EXOC2: variants seen among roughly 807,000 people sequenced by gnomAD.
EXOC2 encodes exocyst complex component 2.
A neutral mutation model predicts 131.8 loss-of-function variants in EXOC2; 70 were observed. The observed-to-expected ratio is 0.53, with a 90% CI of 0.44 to 0.65. EXOC2 has a LOEUF of 0.65. EXOC2 is among the 30% of genes least tolerant of loss of function. EXOC2 has a pLI of 0.00. For synonymous variants in EXOC2, 411 were observed against 398.4 expected (o/e 1.03, Z -0.38); for missense variants, 923 against 1,108.6 (o/e 0.83, Z 2.38).
chr6:692,789 C>G (rs1430603085), intron 1 of EXOC2, among the ~76,000 whole-genome samples: 1 of 72,336 alleles, frequency 1.4e-5, no homozygotes, highest in African/African-American at 3.6e-5. Context: ...GGGGTGCGAA[C>G]TGGCGGGGGT....
chr6:536,664 T>C (rs1285995064), intron 22 of EXOC2, among the ~76,000 whole-genome samples: 1 of 152,018 alleles, frequency 6.6e-6, no homozygotes, highest in African/African-American at 2.4e-5. Flanking sequence ...CTATAATAAA[T>C]AAAACAATGC....
At chr6:566,492 C>T (rs1266909947) in intron 13 of EXOC2, among the ~76,000 whole-genome samples, 2 of 152,200 alleles carry the variant, frequency 1.3e-5, no homozygotes, top group African/African-American at 2.4e-5. Flanking sequence ...GGACCCCCAC[C>T]TAACGCACGC....
At chr6:566,372 A>C (rs62385110) in intron 13 of EXOC2, among the ~76,000 whole-genome samples, 3,288 of 152,312 alleles carry the variant, frequency 0.022, 48 homozygotes, top group Non-Finnish European at 0.033. Flanking sequence ...GGCCCAGGTG[A>C]ACACAGCCAC....
At chr6:602,955 C>T (rs987403681) in intron 7 of EXOC2, among the ~76,000 whole-genome samples, 2 of 152,186 alleles carry the variant, frequency 1.3e-5, no homozygotes, top group African/African-American at 2.4e-5. Context: ...GCCAGGAACT[C>T]CAGTCATCTA....
At position 610,078 on chromosome 6, in the gene EXOC2, G is replaced by T. The variant is rs759620424; in HGVS notation, c.742+20C>A. The T allele has an allele frequency of 6.2e-7, 1 of 1,606,212 alleles. No individual in the cohort carries two copies. Among genetic ancestry groups the T allele is most frequent in the Admixed American group, 1.7e-5 (1 of 59,678 alleles). On this transcript the variant is annotated intron_variant, in intron 7 of 27. Transcript: ENST00000230449. Reference sequence around the variant, plus strand: ...GTTGTAAAATCCATAAATAGTTCTGGGTAGTAGGACAAAACTTACTGTTCA... The same window carrying T: ...GTTGTAAAATCCATAAATAGTTCTGTGTAGTAGGACAAAACTTACTGTTCA...
intron 1 of EXOC2, among the ~76,000 whole-genome samples, chr6:650,505 C>T (rs866107907): frequency 6.6e-6 from 1 of 152,174 alleles, no homozygotes; most frequent in Non-Finnish European, 1.5e-5. Context: ...AACGTTTTTA[C>T]TGTATAATTA....
intron 4 of EXOC2, among the ~76,000 whole-genome samples, chr6:621,123 C>T (rs931383979): frequency 6.6e-6 from 1 of 152,208 alleles, no homozygotes; most frequent in Non-Finnish European, 1.5e-5. Flanking sequence ...TTCCAATGGC[C>T]TGGAGCCCAC....
chr6:559,915 A>G (rs1356425468), intron 17 of EXOC2, among the ~76,000 whole-genome samples: 2 of 152,188 alleles, frequency 1.3e-5, no homozygotes, highest in Non-Finnish European at 2.9e-5. Context: ...AACTGAACAT[A>G]TAATTTTTTT....
At chr6:578,421 T>C (rs866761498) in intron 11 of EXOC2, among the ~76,000 whole-genome samples, 2 of 152,048 alleles carry the variant, frequency 1.3e-5, no homozygotes, top group Admixed American at 1.3e-4. Context: ...AATAAACCAA[T>C]AGATAAATAA....
At chr6:680,915 C>T (rs1005052268) in intron 1 of EXOC2, among the ~76,000 whole-genome samples, 3 of 152,156 alleles carry the variant, frequency 2.0e-5, no homozygotes, top group East Asian at 1.9e-4. Flanking sequence ...GGTGGCCGGG[C>T]TGACCAGATC....
intron 25 of EXOC2, among the ~76,000 whole-genome samples, chr6:493,042 T>C (rs1763526869): frequency 6.6e-6 from 1 of 152,260 alleles, no homozygotes; most frequent in Admixed American, 6.5e-5. Context: ...CTTGATGTTC[T>C]GAAGTAGGTG....
chr6:497,585 C>A, intron 24 of EXOC2, 96 bp from the exon 25 acceptor site: 1 of 1,452,478 alleles, frequency 6.9e-7, no homozygotes, highest in South Asian at 1.6e-5. Context: ...AAAAGAAAAT[C>A]AACAGGACTT....
At chr6:566,954 T>G (rs1757998198) in intron 13 of EXOC2, among the ~76,000 whole-genome samples, 1 of 152,186 alleles carries the variant, frequency 6.6e-6, no homozygotes, top group South Asian at 2.1e-4. Flanking sequence ...AACGTCAGAA[T>G]TCTTGCTTTC....
At chr6:564,239 C>T (rs930833277) in intron 15 of EXOC2, 85 bp from the exon 16 acceptor site, 2 of 1,531,824 alleles carry the variant, frequency 1.3e-6, no homozygotes, top group African/African-American at 1.4e-5. Context: ...ATAATCATTC[C>T]TCACGGAGCT....
chr6:598,688 G>A lies in EXOC2; in HGVS notation c.970+172C>T, dbSNP rs113564777. On this transcript the variant is annotated intron_variant, in intron 9 of 27. Transcript: ENST00000230449. ...AGTCGTGGTTGCTCATTTTCACTGC[G>A]TATCAAATAAGAAAAGTCATACTGT... Among the ~76,000 whole-genome samples the A allele has an allele frequency of 5.5e-3, 843 of 152,264 alleles. 6 individuals carry two copies. Among genetic ancestry groups the A allele is most frequent in the African/African-American group, 0.019 (776 of 41,540 alleles).
At position 642,587 on chromosome 6, in the gene EXOC2, T is replaced by C. The variant is rs112124297; in HGVS notation, c.-43-4726A>G. 1.6e-3 allele frequency among the ~76,000 whole-genome samples: 242 copies of C among 152,328 alleles called. 2 individuals are homozygous for C. The highest frequency in any genetic ancestry group is 5.7e-3 in the African/African-American group (237 of 41,560). On this transcript the variant is annotated intron_variant, in intron 1 of 27. Transcript: ENST00000230449. ...AAGATGAACCAGACAGAAGAATTAG[T>C]AGATAAGAACTTAAAAGAGTCTATA... is the stretch of plus-strand genomic sequence containing the variant.
intron 3 of EXOC2, among the ~76,000 whole-genome samples, chr6:630,225 AGCT>A (rs1761776840): frequency 6.6e-6 from 1 of 152,198 alleles, no homozygotes; most frequent in African/African-American, 2.4e-5. Flanking sequence ...AGACAAATTA[AGCT>A]GCTTAGACAA....
intron 11 of EXOC2, among the ~76,000 whole-genome samples, chr6:581,768 T>TA (rs966076581): frequency 6.6e-6 from 1 of 151,896 alleles, no homozygotes; most frequent in Non-Finnish European, 1.5e-5. Flanking sequence ...CACTTAACAT[T>TA]AAAAAAAAGA....
intron 23 of EXOC2, 68 bp downstream of exon 23, chr6:532,401 G>T: frequency 4.4e-6 from 6 of 1,353,408 alleles, no homozygotes; most frequent in East Asian, 2.7e-5. Flanking sequence ...AAAATGAAAA[G>T]AATTCAAGCA....
Sources: gnomAD v4.1 joint callset for allele counts (sites outside exome capture counted in the v4.1 genomes callset) on GRCh38, gnomAD v4.1.1 for gene constraint, MANE v1.5 for transcripts, NCBI Gene and HGNC (gene_info 2026-07-23, HGNC 2026-07-21) for gene names.